SPICE1: variants seen among roughly 807,000 people sequenced by gnomAD.
The protein encoded by SPICE1 is spindle and centriole associated protein 1.
A neutral mutation model predicts 102.7 loss-of-function variants in SPICE1; 75 were observed. The ratio of observed to expected loss-of-function variants is 0.73; its 90% confidence interval spans 0.61 to 0.88. The LOEUF (loss-of-function observed/expected upper bound fraction) is 0.88, where lower values mean the gene tolerates loss of function less well. SPICE1 is among the 40% of genes least tolerant of loss of function. The pLI is 0.00. For synonymous variants in SPICE1, 308 were observed against 350.3 expected (o/e 0.88, Z 1.35); for missense variants, 979 against 1,020.1 (o/e 0.96, Z 0.55).
chr3:113,492,105 G>A (rs1936780465), intron 6 of SPICE1, among the ~76,000 whole-genome samples: 1 of 152,128 alleles, frequency 6.6e-6, no homozygotes, highest in South Asian at 2.1e-4. Flanking sequence ...ATATTCTAGG[G>A]TGATTAAATT....
At chr3:113,492,071 A>T (rs1217683506) in intron 6 of SPICE1, among the ~76,000 whole-genome samples, 1 of 152,232 alleles carries the variant, frequency 6.6e-6, no homozygotes, top group African/African-American at 2.4e-5. Context: ...TAAAATCTTC[A>T]GTTGAACATA....
In SPICE1 at chr3:113,469,198, T is replaced by C. The variant is rs769567773; in HGVS notation, c.652A>G (p.Ser218Gly). The C allele has an allele frequency of 6.9e-6, 11 of 1,597,642 alleles. No homozygotes were observed. In the African/African-American group the frequency reaches 1.3e-4, roughly 19 times the overall value. ...TGCTGAATGTCAGTCCACAACTTAC[T>C]AATTAACTCAAAATTCTCTTCTGTT... ...QLTEENFELI[S>G]KLWTDIQQKI... Residue 218 changes from serine (S) to glycine (G), a missense_variant, in exon 8 of 18, where the codon AGT becomes GGT. Transcript: ENST00000295872.
intron 15 of SPICE1, chr3:113,450,064 A>G (rs1196540628): frequency 2.2e-6 from 1 of 457,526 alleles, no homozygotes; most frequent in African/African-American, 1.9e-5. Flanking sequence ...ACCGTACACT[A>G]TAATGAATCC....
intron 7 of SPICE1, among the ~76,000 whole-genome samples, chr3:113,478,059 A>G (rs2107477033): frequency 6.6e-6 from 1 of 152,130 alleles, no homozygotes; most frequent in South Asian, 2.1e-4. Context: ...TAAAAGGTAT[A>G]TATGCAAAGG....
intron 3 of SPICE1, among the ~76,000 whole-genome samples, chr3:113,500,199 A>G (rs1401931256): frequency 1.3e-5 from 2 of 152,186 alleles, no homozygotes; most frequent in Non-Finnish European, 2.9e-5. Flanking sequence ...GGGTTCACTA[A>G]GGTGGGTTCA....
At position 113,468,269 on chromosome 3, in the gene SPICE1, T is replaced by C. The variant is rs773847804; in HGVS notation, c.1025A>G (p.Glu342Gly). The C allele has an allele frequency of 2.3e-5, 37 of 1,614,174 alleles. 1 individual carries two copies. The South Asian group carries it at 3.8e-4, about 17-fold the overall frequency. ...DVLKHMIHEVEHEMEEYERWT... is the reference protein window; with the variant it reads ...DVLKHMIHEVGHEMEEYERWT... ...CCGCTCATATTCTTCCATTTCATGT[T>C]CCACTTCATGTATCATGTGTTTGAG... The change falls in exon 10 of 18, where the codon GAA becomes GGA. Residue 342 changes from glutamate (E) to glycine (G), a missense_variant. Coordinates refer to ENST00000295872, the MANE Select transcript of SPICE1 (RefSeq NM_144718.4).
chr3:113,451,329 C>A (rs1415694365), intron 14 of SPICE1, among the ~76,000 whole-genome samples: 3 of 152,106 alleles, frequency 2.0e-5, no homozygotes, highest in Non-Finnish European at 2.9e-5. Context: ...AATTCCCCCC[C>A]CAAATGTGCT....
intron 2 of SPICE1, among the ~76,000 whole-genome samples, chr3:113,503,964 T>C (rs1937059706): frequency 6.8e-6 from 1 of 147,398 alleles, no homozygotes; most frequent in African/African-American, 2.5e-5. Context: ...GAAAGTGTGA[T>C]CACTATAGAG....
chr3:113,502,370 A>G (rs1937024951), intron 3 of SPICE1, among the ~76,000 whole-genome samples: 1 of 152,194 alleles, frequency 6.6e-6, no homozygotes, highest in Non-Finnish European at 1.5e-5. Flanking sequence ...TATTATGCTA[A>G]GACAAAGAAG....
At chr3:113,450,653 T>C (rs1935630460) in intron 14 of SPICE1, 137 bp from the exon 15 acceptor site, 1 of 797,286 alleles carries the variant, frequency 1.3e-6, no homozygotes. Context: ...CTCGGCTCAC[T>C]GCAACATCTG....
intron 7 of SPICE1, among the ~76,000 whole-genome samples, chr3:113,475,647 T>C (rs1338132885): frequency 6.6e-5 from 10 of 152,120 alleles, no homozygotes; most frequent in African/African-American, 2.4e-4. Context: ...AATCAATAAA[T>C]GTAATCCAGC....
chr3:113,452,903 G>A (rs1223092531), intron 14 of SPICE1, among the ~76,000 whole-genome samples: 2 of 151,978 alleles, frequency 1.3e-5, no homozygotes, highest in Admixed American at 6.6e-5. Context: ...ACTTGAACCC[G>A]GGAGGCAGAG....
At position 113,453,507 on chromosome 3, in the gene SPICE1, G is replaced by C. The variant is rs1299045246; in HGVS notation, c.2101C>G (p.Arg701Gly). Residue 701 changes from arginine to glycine, a missense_variant, in exon 14 of 18, where the codon CGG (arginine) becomes GGG (glycine). Physicochemically the swap from Arg to Gly is moderately radical, Grantham distance 125. Coordinates refer to ENST00000295872, the MANE Select transcript of SPICE1 (RefSeq NM_144718.4). ...EPRGEQGDGL[R>G]ELNKQESASD... is the part of the protein sequence containing the mutation. ...GCACTTTCTTGTTTGTTCAACTCCC[G>C]GAGTCCATCCCCTTGCTCTCCTCTG... 7 of 1,612,722 alleles carry C rather than the reference G, an allele frequency of 4.3e-6. No individual in the cohort carries two copies. In the African/African-American group the frequency reaches 8.0e-5, roughly 18 times the overall value.
intron 4 of SPICE1, among the ~76,000 whole-genome samples, chr3:113,495,940 T>C (rs928765496): frequency 5.9e-5 from 9 of 152,144 alleles, no homozygotes; most frequent in African/African-American, 1.7e-4. Context: ...GTAAAAACCA[T>C]TATCTGTCAC....
chr3:113,496,839 T>C (rs1003661146), intron 4 of SPICE1, among the ~76,000 whole-genome samples: 4 of 152,248 alleles, frequency 2.6e-5, no homozygotes, highest in South Asian at 2.1e-4. Flanking sequence ...CACATATCCA[T>C]TGACTAAGCA....
intron 7 of SPICE1, among the ~76,000 whole-genome samples, chr3:113,486,210 C>CATATATATATATAT (rs60309507): frequency 4.8e-4 from 68 of 141,052 alleles, no homozygotes; most frequent in East Asian, 2.7e-3. Flanking sequence ...TGACCATTCT[C>CATATATATATATAT]ATATATATAT....
intron 1 of SPICE1, among the ~76,000 whole-genome samples, chr3:113,508,599 C>T (rs1235815905): frequency 1.3e-5 from 2 of 152,082 alleles, no homozygotes; most frequent in African/African-American, 2.4e-5. Flanking sequence ...ATCAAAAAGA[C>T]GGACAACAAC....
intron 4 of SPICE1, among the ~76,000 whole-genome samples, chr3:113,494,516 G>T (rs888786758): frequency 6.6e-6 from 1 of 151,662 alleles, no homozygotes; most frequent in African/African-American, 2.4e-5. Context: ...GCGTGGTAGC[G>T]GGCGCCTGTA....
chr3:113,469,436 ATAAT>A (rs1276926641), intron 7 of SPICE1, among the ~76,000 whole-genome samples, 198 bp from the exon 8 acceptor site: 14 of 146,494 alleles, frequency 9.6e-5, no homozygotes, highest in South Asian at 2.1e-4. Context: ...ATTAAATTAT[ATAAT>A]TAATTATATA....
Sources: gnomAD v4.1 joint callset for allele counts (sites outside exome capture counted in the v4.1 genomes callset) on GRCh38, gnomAD v4.1.1 for gene constraint, MANE v1.5 for transcripts, NCBI Gene and HGNC (gene_info 2026-07-23, HGNC 2026-07-21) for gene names.